C10orf90: variants seen among roughly 807,000 people sequenced by gnomAD.
C10orf90 encodes the protein chromosome 10 open reading frame 90, also known as (E2-independent) E3 ubiquitin-conjugating enzyme FATS.
In C10orf90, 56 loss-of-function variants were observed where a neutral mutation model predicts 62.5. The observed-to-expected ratio is 0.90, with a 90% CI of 0.72 to 1.12. C10orf90 has a LOEUF of 1.12. Among genes scored for constraint, C10orf90 ranks in the 50% most tolerant of loss-of-function variants. The pLI, the probability that C10orf90 is intolerant of heterozygous loss-of-function variation, is 0.00. For missense variants in C10orf90, 970 were observed against 880.4 expected, an observed-to-expected ratio of 1.10 and a Z score of -1.29; for synonymous variants, 386 against 340.4, an observed-to-expected ratio of 1.13 and a Z score of -1.47.
intron 4 of C10orf90, among the ~76,000 whole-genome samples, chr10:126,474,978 A>G (rs1860780349): frequency 6.6e-6 from 1 of 152,246 alleles, no homozygotes; most frequent in Admixed American, 6.5e-5. Context: ...TGGCCCTTCC[A>G]TAGAAGGAAT....
intron 2 of C10orf90, among the ~76,000 whole-genome samples, chr10:126,599,375 T>C (rs1845151202): frequency 6.6e-6 from 1 of 151,756 alleles, no homozygotes; most frequent in Admixed American, 6.6e-5. Flanking sequence ...TTTTTTTCTT[T>C]TTTTTAAGTA....
chr10:126,429,405 C>T (rs12763652), intron 8 of C10orf90, among the ~76,000 whole-genome samples: 41,467 of 152,046 alleles, frequency 0.27, 5,899 homozygotes, highest in Middle Eastern at 0.31. Flanking sequence ...CAGTCCAGAC[C>T]CTTAGGAGAA....
At chr10:126,426,211 T>A in intron 8 of C10orf90, 121 bp from the exon 9 acceptor site, 1 of 798,334 alleles carries the variant, frequency 1.3e-6, no homozygotes, top group Non-Finnish European at 2.1e-6. Flanking sequence ...GCTTATGGGC[T>A]AGCTCACAAC....
rs372746789 is a variant in C10orf90, at chr10:126,642,531, C to CA, written c.313+4033dup. Among the ~76,000 whole-genome samples the CA allele has an allele frequency of 6.0e-3, 889 of 148,628 alleles. 6 individuals carry two copies. The highest frequency in any genetic ancestry group is 0.021 in the Middle Eastern group (6 of 292). The stretch of plus-strand genomic sequence containing the variant: ...TGGGCGACAGAGCGAGACTCCATCT[C>CA]AAAAAAAAAATACAAAACCCTGATG... On this transcript the variant is annotated intron_variant, in intron 2 of 9. Coordinates refer to ENST00000488181, the MANE Select transcript of C10orf90 (RefSeq NM_001350921.2).
chr10:126,570,233 C>T (rs1488907686), intron 2 of C10orf90, among the ~76,000 whole-genome samples: 2 of 152,328 alleles, frequency 1.3e-5, no homozygotes, highest in East Asian at 1.9e-4. Context: ...CTCCTTGGGG[C>T]CCCTGCCCCC....
At chr10:126,665,715 G>A (rs1197712123) in intron 1 of C10orf90, among the ~76,000 whole-genome samples, 1 of 152,168 alleles carries the variant, frequency 6.6e-6, no homozygotes. Context: ...GCAGTGTCCA[G>A]GCTGCAGCTT....
Position 126,504,903 on chromosome 10 carries a change from T to C in C10orf90, c.588A>G (p.Ala196=), listed in dbSNP as rs1025556984. The part of the protein sequence containing the change: ...ANRSGVNIHR[A]FALLPGRLGI... Reference sequence around the variant, plus strand: ...CTAATCTGCCCGGAAGTAACGCAAATGCTCTGTGAATGTTGACTCCGCTGC... The same window carrying C: ...CTAATCTGCCCGGAAGTAACGCAAACGCTCTGTGAATGTTGACTCCGCTGC... Residue 196 remains alanine, a synonymous_variant, in exon 4 of 10, where the codon GCA becomes GCG. Transcript: ENST00000488181. This position sits in a 1 kb window ranked among gnomAD's most constrained non-coding sequence, Gnocchi z 4.1. 1.2e-6 allele frequency: 2 copies of C among 1,614,068 alleles called. No homozygotes were observed. The highest frequency in any genetic ancestry group is 2.7e-5 in the African/African-American group (2 of 74,936).
At chr10:126,438,118 C>T (rs528434167) in intron 7 of C10orf90, among the ~76,000 whole-genome samples, 3 of 152,196 alleles carry the variant, frequency 2.0e-5, no homozygotes, top group Non-Finnish European at 2.9e-5. Context: ...ACGGAGACAG[C>T]TCCAGGCAAG....
intron 3 of C10orf90, among the ~76,000 whole-genome samples, chr10:126,508,823 T>A (rs1158745762): frequency 6.6e-6 from 1 of 151,898 alleles, no homozygotes; most frequent in Non-Finnish European, 1.5e-5. Context: ...ATCAAGAGAG[T>A]ACCTACTCTT....
chr10:126,459,751 T>A (rs540778631), intron 6 of C10orf90, among the ~76,000 whole-genome samples: 133 of 152,328 alleles, frequency 8.7e-4, no homozygotes, highest in African/African-American at 3.1e-3. Flanking sequence ...TAGAAAGAGC[T>A]GGGAGGAAAC....
intron 5 of C10orf90, among the ~76,000 whole-genome samples, chr10:126,463,784 C>T (rs1038639495): frequency 6.6e-6 from 1 of 152,248 alleles, no homozygotes; most frequent in Non-Finnish European, 1.5e-5. Context: ...TCCCCATGGC[C>T]CACCACACAG....
At chr10:126,610,818 T>C (rs1368306748) in intron 2 of C10orf90, among the ~76,000 whole-genome samples, 1 of 152,108 alleles carries the variant, frequency 6.6e-6, no homozygotes, top group Non-Finnish European at 1.5e-5. Flanking sequence ...CATAACAAGT[T>C]AGCAGAGAGG....
intron 2 of C10orf90, among the ~76,000 whole-genome samples, chr10:126,632,340 A>G (rs1845867411): frequency 6.6e-6 from 1 of 151,942 alleles, no homozygotes; most frequent in Non-Finnish European, 1.5e-5. Context: ...TGAGTACTTA[A>G]TACACCCCAG....
intron 2 of C10orf90, among the ~76,000 whole-genome samples, chr10:126,637,766 C>CA (rs1564903499): frequency 6.6e-6 from 1 of 152,162 alleles, no homozygotes; most frequent in African/African-American, 2.4e-5. Flanking sequence ...GTGCAGGACC[C>CA]AGGGCCTCGG....
chr10:126,544,372 C>T (rs766353333), intron 2 of C10orf90, among the ~76,000 whole-genome samples: 14 of 152,172 alleles, frequency 9.2e-5, no homozygotes, highest in Non-Finnish European at 1.5e-4. Flanking sequence ...GTCAATCATC[C>T]GCCTCTAGAA....
intron 4 of C10orf90, chr10:126,502,762 C>G: frequency 2.0e-6 from 1 of 510,244 alleles, no homozygotes; most frequent in Non-Finnish European, 4.0e-6. Flanking sequence ...CTTGAGCAAT[C>G]TCTTTAACCA....
At chr10:126,562,286 C>A (rs774429425) in intron 2 of C10orf90, among the ~76,000 whole-genome samples, 1 of 152,144 alleles carries the variant, frequency 6.6e-6, no homozygotes, top group Non-Finnish European at 1.5e-5. Context: ...CCCTCCCTTA[C>A]CCCCTGCCCT....
chr10:126,497,192 G>A (rs1337712003), intron 4 of C10orf90, among the ~76,000 whole-genome samples: 1 of 152,192 alleles, frequency 6.6e-6, no homozygotes, highest in Non-Finnish European at 1.5e-5. Context: ...TGTTCTTGCT[G>A]CTGATGGGAA....
intron 2 of C10orf90, among the ~76,000 whole-genome samples, chr10:126,595,666 A>G (rs1055246113): frequency 5.9e-5 from 9 of 152,082 alleles, no homozygotes; most frequent in Admixed American, 3.3e-4. Flanking sequence ...CCGTTCCCCC[A>G]TCTTATAACT....
Sources: gnomAD v4.1 joint callset for allele counts (sites outside exome capture counted in the v4.1 genomes callset) on GRCh38, gnomAD v4.1.1 for gene constraint, Gnocchi (gnomAD v3.1) non-coding constraint, MANE v1.5 for transcripts, NCBI Gene and HGNC (gene_info 2026-07-23, HGNC 2026-07-21) for gene names.